RNGTT: variants seen among roughly 807,000 people sequenced by gnomAD.
RNGTT encodes mRNA-capping enzyme.
In RNGTT, 33 loss-of-function variants were observed where a neutral mutation model predicts 79.3. The observed-to-expected ratio is 0.42, with a 90% CI of 0.32 to 0.56. The LOEUF is 0.56. RNGTT is among the 20% of genes least tolerant of loss of function. The pLI is 0.17. For synonymous variants in RNGTT, 222 were observed against 235.9 expected (o/e 0.94, Z 0.54); for missense variants, 497 against 739.1 (o/e 0.67, Z 3.80).
intron 1 of RNGTT, among the ~76,000 whole-genome samples, chr6:88,942,956 G>A (rs989983489): frequency 6.6e-6 from 1 of 151,972 alleles, no homozygotes; most frequent in Non-Finnish European, 1.5e-5. Flanking sequence ...TTTCCTTCTA[G>A]CTCTCTGGCC....
At chr6:88,841,359 G>C (rs569764435) in intron 11 of RNGTT, among the ~76,000 whole-genome samples, 140 of 152,280 alleles carry the variant, frequency 9.2e-4, no homozygotes, top group Non-Finnish European at 1.5e-3. Flanking sequence ...AATAGTGCTA[G>C]GATTACTTAC....
chr6:88,899,018 ATAAAC>A (rs1304275279), intron 6 of RNGTT, among the ~76,000 whole-genome samples: 24 of 151,900 alleles, frequency 1.6e-4, no homozygotes, highest in East Asian at 3.8e-4. Flanking sequence ...ACTTTCTTTA[ATAAAC>A]TAAAGATTAA....
intron 13 of RNGTT, among the ~76,000 whole-genome samples, chr6:88,684,692 A>C (rs1775210920): frequency 1.5e-5 from 2 of 132,458 alleles, no homozygotes; most frequent in Non-Finnish European, 3.0e-5. Flanking sequence ...CAGTGAAACC[A>C]TTCTGTATAC....
intron 6 of RNGTT, among the ~76,000 whole-genome samples, chr6:88,899,372 G>A (rs1159626642): frequency 2.0e-5 from 3 of 151,840 alleles, no homozygotes. Flanking sequence ...AACCTCCCAG[G>A]CTCAAGCAAT....
chr6:88,958,180 G>A (rs1785497586), intron 1 of RNGTT, among the ~76,000 whole-genome samples: 1 of 152,184 alleles, frequency 6.6e-6, no homozygotes, highest in Admixed American at 6.5e-5. Context: ...GCTACGCGTA[G>A]AAGAATGAAA....
chr6:88,905,460 C>T (rs1309674461), intron 5 of RNGTT, among the ~76,000 whole-genome samples: 1 of 152,156 alleles, frequency 6.6e-6, no homozygotes, highest in Non-Finnish European at 1.5e-5. Flanking sequence ...AGTACAGAAC[C>T]ACCAACAATG....
rs760973543 is a variant in RNGTT, at chr6:88,708,549, C to T, written c.1440-30130G>A. On this transcript the variant is annotated intron_variant, in intron 13 of 15. Coordinates refer to ENST00000369485, the MANE Select transcript of RNGTT (RefSeq NM_003800.5). The stretch of plus-strand genomic sequence containing the variant: ...TGACCATGGTAGCTCCAGCTCCAGC[C>T]TTTGGTCTTTAGGGCTGGTGCCAGG... 2.6e-5 allele frequency among the ~76,000 whole-genome samples: 4 copies of T among 152,180 alleles called. No homozygotes were observed. In the South Asian group the frequency reaches 6.2e-4, roughly 24 times the overall value.
rs9362555 is a variant in RNGTT, at chr6:88,761,262, C to T, written c.1439+8512G>A. ...CCCAGCACTTTGGGAGGCCGAGGCA[C>T]GTGGATCACTTGAGGTCAGGAGTTT... On this transcript the variant is annotated intron_variant, in intron 13 of 15. Coordinates refer to ENST00000369485, the MANE Select transcript of RNGTT (RefSeq NM_003800.5). 7.9e-5 allele frequency among the ~76,000 whole-genome samples: 12 copies of T among 151,736 alleles called. No individual in the cohort carries two copies. The East Asian group carries it at 1.8e-3, about 22-fold the overall frequency.
At chr6:88,628,737 T>C (rs1483967765) in intron 14 of RNGTT, among the ~76,000 whole-genome samples, 2 of 152,308 alleles carry the variant, frequency 1.3e-5, no homozygotes, top group East Asian at 1.9e-4. Flanking sequence ...AATAGTTTCT[T>C]CAAGACAGCA....
At chr6:88,904,574 ATT>A in intron 6 of RNGTT, 139 bp downstream of exon 6, 1 of 867,694 alleles carries the variant, frequency 1.2e-6, no homozygotes, top group Non-Finnish European at 1.6e-6. Flanking sequence ...AAAAAAAAAA[ATT>A]TTTTTTTTAG....
rs1777405492 is a variant in RNGTT, at chr6:88,739,725, T to TTATTTATATA, written c.1439+30048_1439+30049insTATATAAATA. 3.9e-4 allele frequency among the ~76,000 whole-genome samples: 37 copies of TTATTTATATA among 94,156 alleles called. 1 individual carries two copies. The highest frequency in any genetic ancestry group is 1.6e-3 in the African/African-American group (34 of 21,636). 61.8% of individuals were successfully genotyped at this position (94,156 alleles called of 152,430 possible). On this transcript the variant is annotated intron_variant, in intron 13 of 15. Transcript: ENST00000369485. Reference sequence around the variant, plus strand: ...TCCCGTGTAACTGGTGTGAAAAAAATTATATATATATATATATATATATAT... The same window carrying TTATTTATATA: ...TCCCGTGTAACTGGTGTGAAAAAAATTATTTATATATATATATATATATATATATATATAT...
chr6:88,857,593 T>C (rs1781881593), intron 8 of RNGTT, among the ~76,000 whole-genome samples: 1 of 152,170 alleles, frequency 6.6e-6, no homozygotes, highest in African/African-American at 2.4e-5. Context: ...ATATTGCATA[T>C]TCATGTAAAA....
At chr6:88,858,381 A>G (rs1439877787) in intron 8 of RNGTT, among the ~76,000 whole-genome samples, 1 of 152,204 alleles carries the variant, frequency 6.6e-6, no homozygotes, top group Admixed American at 6.5e-5. Context: ...AAAACAAGAT[A>G]TTAAATAATT....
intron 14 of RNGTT, among the ~76,000 whole-genome samples, chr6:88,650,047 T>C (rs527995054): frequency 3.3e-4 from 51 of 152,330 alleles, no homozygotes; most frequent in South Asian, 6.2e-4. Flanking sequence ...CTGAAAATCA[T>C]TGTCAGACTT....
chr6:88,941,006 C>G (rs1375174011), intron 2 of RNGTT, 65 bp downstream of exon 2: 2 of 871,798 alleles, frequency 2.3e-6, no homozygotes, highest in African/African-American at 3.4e-5. Flanking sequence ...TTTTAAAAGC[C>G]ACCTGAAGAA....
At chr6:88,682,814 C>T (rs561682286) in intron 13 of RNGTT, among the ~76,000 whole-genome samples, 11 of 152,184 alleles carry the variant, frequency 7.2e-5, no homozygotes, top group South Asian at 2.1e-4. Flanking sequence ...CATAACTCAG[C>T]TAGAAATCAA....
At chr6:88,945,086 C>A (rs1054402191) in intron 1 of RNGTT, among the ~76,000 whole-genome samples, 3 of 152,242 alleles carry the variant, frequency 2.0e-5, no homozygotes, top group Admixed American at 2.0e-4. Context: ...AATGTTCCAA[C>A]CCCTGCCTCC....
chr6:88,678,264 T>G, intron 14 of RNGTT, 89 bp downstream of exon 14: 2 of 1,524,870 alleles, frequency 1.3e-6, no homozygotes, highest in Non-Finnish European at 1.8e-6. Flanking sequence ...ACACGATATT[T>G]TTATATGTTG....
chr6:88,623,778 T>C (rs946513782), intron 14 of RNGTT, among the ~76,000 whole-genome samples: 1 of 151,968 alleles, frequency 6.6e-6, no homozygotes, highest in Admixed American at 6.6e-5. Context: ...AAGGAAGAAA[T>C]AGGACTGTCT....
Sources: allele counts gnomAD v4.1 joint callset (sites outside exome capture counted in the v4.1 genomes callset), GRCh38; gene constraint gnomAD v4.1.1; transcripts MANE v1.5; gene names NCBI Gene and HGNC (gene_info 2026-07-23, HGNC 2026-07-21).